Variants in AGBL1 observed in about 807,000 individuals in gnomAD.
AGBL1 encodes cytosolic carboxypeptidase 4.
In AGBL1, 130 loss-of-function variants were observed where a neutral mutation model predicts 118.9. The observed-to-expected ratio is 1.09, with a 90% CI of 0.95 to 1.26. The LOEUF (loss-of-function observed/expected upper bound fraction) is 1.26, where lower values mean the gene tolerates loss of function less well. Ranked by LOEUF, AGBL1 falls within the 50% of genes most tolerant of loss-of-function variation. AGBL1 has a pLI of 0.00. For synonymous variants in AGBL1, 555 were observed against 478.9 expected, an observed-to-expected ratio of 1.16 and a Z score of -2.08; for missense variants, 1,584 against 1,298.1, an observed-to-expected ratio of 1.22 and a Z score of -3.38.
chr15:86,543,139 C>G (rs2083528168), intron 19 of AGBL1, among the ~76,000 whole-genome samples: 1 of 151,786 alleles, frequency 6.6e-6, no homozygotes, highest in Non-Finnish European at 1.5e-5. Flanking sequence ...TTTTATGATC[C>G]CAATTTATCT....
chr15:86,724,031 C>T (rs1026307809), intron 22 of AGBL1, among the ~76,000 whole-genome samples: 16 of 151,938 alleles, frequency 1.1e-4, no homozygotes, highest in Admixed American at 2.6e-4. Flanking sequence ...GTCAGGAGAT[C>T]GAGACCATCC....
At chr15:86,105,614 C>T (rs1051474051) in intron 1 of AGBL1, among the ~76,000 whole-genome samples, 1 of 152,184 alleles carries the variant, frequency 6.6e-6, no homozygotes, top group Non-Finnish European at 1.5e-5. Flanking sequence ...AAGAGGAGAA[C>T]AGCAGGAAAG....
chr15:86,330,305 G>T (rs1183299481), intron 17 of AGBL1, among the ~76,000 whole-genome samples: 1 of 152,196 alleles, frequency 6.6e-6, no homozygotes, highest in Non-Finnish European at 1.5e-5. Flanking sequence ...AGGTGAAACT[G>T]CATGGCCCAA....
At chr15:86,270,325 G>C (rs2079139244) in intron 14 of AGBL1, among the ~76,000 whole-genome samples, 1 of 152,108 alleles carries the variant, frequency 6.6e-6, no homozygotes, top group African/African-American at 2.4e-5. Flanking sequence ...AACTTTTTGA[G>C]GTTGGTGAGC....
At chr15:86,924,134 T>C (rs1472365763) in intron 23 of AGBL1, among the ~76,000 whole-genome samples, 1 of 152,256 alleles carries the variant, frequency 6.6e-6, no homozygotes, top group East Asian at 1.9e-4. Context: ...CAGATGCACA[T>C]GTATGCATGC....
Position 86,298,265 on chromosome 15 carries a change from A to ATATGGTAAC in AGBL1, c.2374+2860_2374+2861insGGTAACTAT, listed in dbSNP as rs1567185718. Among the ~76,000 whole-genome samples, 77 of 104,390 alleles carry ATATGGTAAC rather than the reference A, an allele frequency of 7.4e-4. 5 individuals carry two copies. Among genetic ancestry groups the ATATGGTAAC allele is most frequent in the Middle Eastern group, 4.3e-3 (1 of 232 alleles). 68.5% of individuals were successfully genotyped at this position (104,390 alleles called of 152,430 possible). A position where few individuals can be genotyped will look rare whatever the true frequency, so the allele number is the denominator to read the frequency against. On this transcript the variant is annotated intron_variant, in intron 17 of 22. Coordinates refer to ENST00000614907, the MANE Select transcript of AGBL1 (RefSeq NM_001386094.1). ...GTGTATAATATATATATATATATAT[A>ATATGGTAAC]TATATATATATATATGGTAACTATA...
chr15:86,813,209 G>GC (rs397695058), intron 22 of AGBL1, among the ~76,000 whole-genome samples: 7 of 151,624 alleles, frequency 4.6e-5, no homozygotes, highest in African/African-American at 1.7e-4. Flanking sequence ...GGGTTGGGGG[G>GC]GCCTCAGGGG....
intron 22 of AGBL1, among the ~76,000 whole-genome samples, chr15:86,790,840 C>T (rs1156246181): frequency 4.6e-5 from 7 of 151,644 alleles, no homozygotes; most frequent in African/African-American, 7.3e-5. Context: ...TGGAACACAC[C>T]GTATGGCTTC....
chr15:86,830,255 T>C (rs2079085413), intron 22 of AGBL1, among the ~76,000 whole-genome samples: 1 of 152,162 alleles, frequency 6.6e-6, no homozygotes, highest in Non-Finnish European at 1.5e-5. Context: ...TGCTGAATAT[T>C]TTTAGGACTT....
intron 7 of AGBL1, among the ~76,000 whole-genome samples, chr15:86,251,460 A>T (rs2078814597): frequency 6.6e-6 from 1 of 152,208 alleles, no homozygotes; most frequent in Non-Finnish European, 1.5e-5. Context: ...ATTTAGGATC[A>T]CACTTGGAAA....
intron 18 of AGBL1, among the ~76,000 whole-genome samples, chr15:86,500,446 G>C (rs1243860526): frequency 6.6e-6 from 1 of 151,806 alleles, no homozygotes; most frequent in East Asian, 1.9e-4. Flanking sequence ...AGGGGCTAAT[G>C]TATGGACTAT....
rs577963535 is a variant in AGBL1 at position 86,722,188 on chromosome 15, C to T, written c.3158+47752C>T. On this transcript the variant is annotated intron_variant, in intron 22 of 22. Coordinates refer to ENST00000614907, the MANE Select transcript of AGBL1 (RefSeq NM_001386094.1). ...GTTCATATGGAACCAAAAGAGAGCC[C>T]GCATTGCCAAGTCAATCCTAAGCCA... Among the ~76,000 whole-genome samples the T allele has an allele frequency of 6.1e-4, 93 of 152,248 alleles. 1 individual carries two copies. The East Asian group carries it at 8.1e-3, about 13-fold the overall frequency.
chr15:86,670,650 G>GTGTA (rs369000727), intron 21 of AGBL1, among the ~76,000 whole-genome samples: 58,443 of 140,932 alleles, frequency 0.41, 13,407 homozygotes, highest in Middle Eastern at 0.58. Context: ...GTGTGTGTGT[G>GTGTA]TATATATATA....
chr15:86,584,336 T>G (rs926656091), intron 21 of AGBL1, among the ~76,000 whole-genome samples: 2 of 152,212 alleles, frequency 1.3e-5, no homozygotes, highest in Admixed American at 6.5e-5. Flanking sequence ...TTTAAATCTT[T>G]TAATCCGTCT....
intron 21 of AGBL1, among the ~76,000 whole-genome samples, chr15:86,558,613 C>A (rs2083770747): frequency 6.6e-6 from 1 of 152,138 alleles, no homozygotes; most frequent in African/African-American, 2.4e-5. Flanking sequence ...AACAGTATTT[C>A]AAAAAGGCTT....
chr15:86,971,107 A>G (rs2081103688), intron 23 of AGBL1, among the ~76,000 whole-genome samples: 1 of 151,988 alleles, frequency 6.6e-6, no homozygotes, highest in South Asian at 2.1e-4. Context: ...ATATTGAGGG[A>G]CAACTCGAAT....
intron 24 of AGBL1, among the ~76,000 whole-genome samples, chr15:86,991,483 T>G (rs1394040322): frequency 6.6e-6 from 1 of 152,084 alleles, no homozygotes; most frequent in East Asian, 1.9e-4. Flanking sequence ...GTTTGCAAAA[T>G]GCTTAGGAAA....
rs531168307 is a variant in AGBL1 at position 86,142,052 on chromosome 15, G to C, written c.100G>C (p.Asp34His). ...CCTGACCATCCTCAAGGTCCTCGGA[G>C]ATCTGCTTTCTGTTGGTGAGTAGGC... is the stretch of plus-strand genomic sequence containing the variant. ...SILTILKVLG[D>H]LLSVGTDRRI... The change falls in exon 2 of 23, where the codon GAT becomes CAT. Residue 34 changes from aspartate (D) to histidine (H), a missense_variant. Transcript: ENST00000614907. 159 of 1,550,278 alleles carry C rather than the reference G, an allele frequency of 1.0e-4. 2 individuals carry two copies. In the East Asian group the frequency reaches 2.9e-3, roughly 28 times the overall value.
chr15:87,027,238 T>G (rs2141814082), intron 24 of AGBL1, among the ~76,000 whole-genome samples: 1 of 152,150 alleles, frequency 6.6e-6, no homozygotes, highest in East Asian at 1.9e-4. Context: ...AGATATCATC[T>G]CACACCAGTT....
Sources: gnomAD v4.1 joint callset for allele counts (sites outside exome capture counted in the v4.1 genomes callset) on GRCh38, gnomAD v4.1.1 for gene constraint, MANE v1.5 for transcripts, NCBI Gene and HGNC (gene_info 2026-07-23, HGNC 2026-07-21) for gene names.